Variants in RAB30 observed in about 807,000 individuals in gnomAD.
The protein encoded by RAB30 is RAB30, member RAS oncogene family.
RAB30 carries 9 observed loss-of-function variants against 25.1 expected under a neutral mutation model. The observed-to-expected ratio is 0.36, with a 90% CI of 0.22 to 0.63. The LOEUF (loss-of-function observed/expected upper bound fraction) is 0.63, where lower values mean the gene tolerates loss of function less well. Ranked by LOEUF, RAB30 falls within the 20% of genes least tolerant of loss-of-function variation. The pLI, the probability that RAB30 is intolerant of heterozygous loss-of-function variation, is 0.69. For missense variants in RAB30, 140 were observed against 243.5 expected (o/e 0.58, Z 2.83); for synonymous variants, 77 against 86.4 (o/e 0.89, Z 0.60).
chr11:82,990,888 A>G (rs1856837493), intron 3 of RAB30, among the ~76,000 whole-genome samples: 2 of 152,170 alleles, frequency 1.3e-5, no homozygotes, highest in South Asian at 4.2e-4. Flanking sequence ...CATAATGCAG[A>G]CCCTTTTAAG....
intron 1 of RAB30, among the ~76,000 whole-genome samples, chr11:83,016,587 A>G (rs1857443663): frequency 6.6e-6 from 1 of 152,216 alleles, no homozygotes; most frequent in South Asian, 2.1e-4. Flanking sequence ...TTAATCTTAA[A>G]AAGTTAAAAA....
Position 82,992,736 on chromosome 11 carries a change from A to AACACACACACACAC in RAB30, c.177+1289_177+1302dup, listed in dbSNP as rs113845129. ...TCTCTCTTTCTCTCTCTCTGTCACCAACACACACACACACACACACACACA... is the reference window on the plus strand; with the variant it reads ...TCTCTCTTTCTCTCTCTCTGTCACCAACACACACACACACACACACACACACACACACACACACA... On this transcript the variant is annotated intron_variant, in intron 3 of 4. Transcript: ENST00000527633. Among the ~76,000 whole-genome samples the AACACACACACACAC allele has an allele frequency of 2.6e-3, 341 of 131,212 alleles. 5 individuals carry two copies. Among genetic ancestry groups the AACACACACACACAC allele is most frequent in the African/African-American group, 8.4e-3 (291 of 34,526 alleles). 86.1% of individuals were successfully genotyped at this position (131,212 alleles called of 152,430 possible). A position where few individuals can be genotyped will look rare whatever the true frequency, so the allele number is the denominator to read the frequency against.
intron 3 of RAB30, among the ~76,000 whole-genome samples, chr11:82,991,711 T>A (rs904407760): frequency 1.2e-4 from 19 of 152,236 alleles, no homozygotes; most frequent in African/African-American, 4.6e-4. Flanking sequence ...TTGGACTGGA[T>A]TTGGGAGATG....
At chr11:83,041,270 G>C in intron 1 of RAB30, 1 of 179,596 alleles carries the variant, frequency 5.6e-6, no homozygotes, top group Non-Finnish European at 1.2e-5. Context: ...TGGTGACCAG[G>C]GAACTTGAAC....
chr11:83,023,913 C>T (rs1361851234), intron 1 of RAB30, among the ~76,000 whole-genome samples: 1 of 152,198 alleles, frequency 6.6e-6, no homozygotes, highest in African/African-American at 2.4e-5. Flanking sequence ...CATGCCTTCC[C>T]TCCCATCTCC....
chr11:82,995,270 G>C (rs1216471786), intron 2 of RAB30, among the ~76,000 whole-genome samples: 1 of 152,098 alleles, frequency 6.6e-6, no homozygotes, highest in East Asian at 1.9e-4. Flanking sequence ...CAAACCAAAA[G>C]AAAATGTTCT....
At chr11:83,039,320 A>C (rs1391351703) in intron 1 of RAB30, among the ~76,000 whole-genome samples, 1 of 152,244 alleles carries the variant, frequency 6.6e-6, no homozygotes, top group Non-Finnish European at 1.5e-5. Context: ...TTAACACCAC[A>C]ATCTTCAAAC....
At chr11:83,062,960 G>A (rs182677902) in intron 1 of RAB30, among the ~76,000 whole-genome samples, 126 of 145,208 alleles carry the variant, frequency 8.7e-4, no homozygotes, top group Admixed American at 2.7e-3. Context: ...CCAAGATTGC[G>A]CCACTGCACT....
chr11:83,004,236 T>A (rs1411055310), intron 1 of RAB30, among the ~76,000 whole-genome samples: 2 of 152,306 alleles, frequency 1.3e-5, no homozygotes, highest in East Asian at 3.9e-4. Flanking sequence ...CCAGATATAG[T>A]TTTTTAAAAA....
chr11:83,062,306 C>A (rs906581659), intron 1 of RAB30, among the ~76,000 whole-genome samples: 1 of 152,186 alleles, frequency 6.6e-6, no homozygotes, highest in African/African-American at 2.4e-5. Context: ...AATAAGACAG[C>A]ATCCACAATA....
At chr11:83,000,919 C>T (rs1857066141) in intron 1 of RAB30, among the ~76,000 whole-genome samples, 1 of 151,266 alleles carries the variant, frequency 6.6e-6, no homozygotes, top group South Asian at 2.1e-4. Context: ...CAGTGGCGGG[C>T]GCCTGTAGTC....
intron 1 of RAB30, among the ~76,000 whole-genome samples, chr11:83,050,771 T>C (rs539280793): frequency 1.3e-5 from 2 of 152,354 alleles, no homozygotes; most frequent in African/African-American, 4.8e-5. Flanking sequence ...CATTTTCTTT[T>C]TCTCAGTGGT....
chr11:83,052,902 C>T (rs993495088), intron 1 of RAB30, among the ~76,000 whole-genome samples: 3 of 152,150 alleles, frequency 2.0e-5, no homozygotes, highest in Non-Finnish European at 4.4e-5. Flanking sequence ...AACACTCATA[C>T]ATTGACTGGG....
intron 1 of RAB30, among the ~76,000 whole-genome samples, chr11:83,019,304 G>C (rs770852422): frequency 6.6e-6 from 1 of 152,168 alleles, no homozygotes; most frequent in Non-Finnish European, 1.5e-5. Flanking sequence ...GGGATTACAG[G>C]CATGAGCCAC....
At chr11:83,001,335 C>T (rs1857080150) in intron 1 of RAB30, among the ~76,000 whole-genome samples, 1 of 152,068 alleles carries the variant, frequency 6.6e-6, no homozygotes, top group Non-Finnish European at 1.5e-5. Context: ...GCCACTGTGC[C>T]CAGCTAATTT....
chr11:82,982,370 C>T lies in RAB30; in HGVS notation c.407G>A (p.Arg136Gln), dbSNP rs886599600. Reference protein sequence around the residue: ...LAERREVSQQRAEEFSEAQDM... With the variant: ...LAERREVSQQQAEEFSEAQDM... ...CTGAGCTTCTGAGAATTCTTCAGCT[C>T]GCTGCTGGGAAACCTCTCTCCTTTC... The change falls in exon 5 of 5, where the codon CGA (arginine) becomes CAA (glutamine). Residue 136 changes from arginine (R) to glutamine (Q), a missense_variant. Physicochemically the swap from Arg to Gln is conservative, Grantham distance 43. Coordinates refer to ENST00000527633, the MANE Select transcript of RAB30 (RefSeq NM_001286060.2). 6.2e-6 allele frequency: 10 copies of T among 1,614,038 alleles called. No homozygotes were observed. The highest frequency in any genetic ancestry group is 4.5e-5 in the East Asian group (2 of 44,888).
intron 1 of RAB30, among the ~76,000 whole-genome samples, chr11:83,071,123 G>A (rs1272279173): frequency 6.6e-6 from 1 of 152,178 alleles, no homozygotes; most frequent in African/African-American, 2.4e-5. Context: ...ACCATTAAAG[G>A]ACACTGTCAC....
intron 1 of RAB30, among the ~76,000 whole-genome samples, chr11:83,021,319 G>A (rs144519703): frequency 8.5e-5 from 13 of 152,178 alleles, no homozygotes; most frequent in South Asian, 2.1e-4. Flanking sequence ...GAGGAGAGAC[G>A]AGCTGTGGCC....
chr11:83,020,732 C>T (rs1448370808), intron 1 of RAB30, among the ~76,000 whole-genome samples: 1 of 152,222 alleles, frequency 6.6e-6, no homozygotes, highest in African/African-American at 2.4e-5. Context: ...AAGCCCTGGG[C>T]TCAGTCAGAC....
Sources: gnomAD v4.1 joint callset for allele counts (sites outside exome capture counted in the v4.1 genomes callset) on GRCh38, gnomAD v4.1.1 for gene constraint, MANE v1.5 for transcripts, NCBI Gene and HGNC (gene_info 2026-07-23, HGNC 2026-07-21) for gene names.